KLF8: variants seen among roughly 807,000 people sequenced by gnomAD.
KLF8 encodes Krueppel-like factor 8.
KLF8 carries 10 observed loss-of-function variants against 18.2 expected under a neutral mutation model. The observed-to-expected ratio is 0.55, with a 90% CI of 0.34 to 0.93. The LOEUF (loss-of-function observed/expected upper bound fraction) is 0.93. KLF8 is among the 40% of genes least tolerant of loss of function. KLF8 has a pLI of 0.02. For synonymous variants in KLF8, 109 were observed against 97.3 expected (o/e 1.12, Z -0.71); for missense variants, 264 against 277.9 (o/e 0.95, Z 0.36).
the KLF8 span, among the ~76,000 whole-genome samples, chrX:56,164,903 T>G: frequency 4.5e-5 from 1 of 22,236 alleles, no homozygotes; most frequent in Non-Finnish European, 7.3e-5. Context: ...CCCTCCCCCC[T>G]CCCCCGACCC....
At chrX:55,925,560 G>A in the KLF8 span, among the ~76,000 whole-genome samples, 11 of 111,560 alleles carry the variant, frequency 9.9e-5, no homozygotes, top group African/African-American at 3.3e-4. Flanking sequence ...ACATATTTAT[G>A]ATCCAATTCG....
the KLF8 span, among the ~76,000 whole-genome samples, chrX:56,189,064 AC>A: frequency 8.9e-6 from 1 of 111,805 alleles, no homozygotes; most frequent in Admixed American, 9.5e-5. Flanking sequence ...AAAAGAAACT[AC>A]CATCAGAGTG....
At chrX:55,994,973 C>T in the KLF8 span, among the ~76,000 whole-genome samples, 4 of 111,714 alleles carry the variant, frequency 3.6e-5, no homozygotes, top group African/African-American at 1.3e-4. Flanking sequence ...TCTTTGTTAG[C>T]TTTCTAGCTC....
At chrX:56,059,748 T>G in the KLF8 span, among the ~76,000 whole-genome samples, 1 of 111,858 alleles carries the variant, frequency 8.9e-6, no homozygotes, top group African/African-American at 3.2e-5. Context: ...GCTGTTTTGT[T>G]TACTGTAGCC....
the KLF8 span, among the ~76,000 whole-genome samples, chrX:56,093,422 G>A: frequency 9.0e-6 from 1 of 110,911 alleles, no homozygotes; most frequent in Non-Finnish European, 1.9e-5. Context: ...AAGTGTTGAA[G>A]GAAGTTAAAA....
chrX:56,156,730 C>T, the KLF8 span, among the ~76,000 whole-genome samples: 1 of 101,113 alleles, frequency 9.9e-6, no homozygotes, highest in Non-Finnish European at 2.0e-5. Context: ...CCCCTACCCA[C>T]CCCCCACAAC....
At chrX:56,165,926 G>A in the KLF8 span, among the ~76,000 whole-genome samples, 1 of 109,447 alleles carries the variant, frequency 9.1e-6, no homozygotes, top group African/African-American at 3.3e-5. Context: ...TAACTTTTAA[G>A]AAGACTTCTG....
the KLF8 span, among the ~76,000 whole-genome samples, chrX:56,020,950 A>G: frequency 8.9e-6 from 1 of 111,838 alleles, no homozygotes; most frequent in Admixed American, 9.5e-5. Flanking sequence ...CTTTGCCTCA[A>G]ATGCTTCCTT....
chrX:56,221,933 C>T, the KLF8 span, among the ~76,000 whole-genome samples: 2 of 111,591 alleles, frequency 1.8e-5, no homozygotes, highest in African/African-American at 6.5e-5. Context: ...TACAGAGATC[C>T]GATTGGTCTG....
At chrX:56,168,465 G>A in the KLF8 span, among the ~76,000 whole-genome samples, 2 of 112,136 alleles carry the variant, frequency 1.8e-5, no homozygotes, top group South Asian at 7.4e-4. Context: ...TTGTTAAAAT[G>A]TTTATGACCT....
the KLF8 span, among the ~76,000 whole-genome samples, chrX:56,064,450 C>G: frequency 9.1e-6 from 1 of 110,079 alleles, no homozygotes; most frequent in Non-Finnish European, 1.9e-5. Flanking sequence ...ATAATTGGGT[C>G]ATTTAAAAAT....
At chrX:56,225,635 A>C in the KLF8 span, among the ~76,000 whole-genome samples, 6 of 112,281 alleles carry the variant, frequency 5.3e-5, no homozygotes, top group African/African-American at 1.9e-4. Flanking sequence ...TACAGTGCTT[A>C]GTCTGTGGCA....
chrX:56,105,542 T>A, the KLF8 span, among the ~76,000 whole-genome samples: 1 of 110,304 alleles, frequency 9.1e-6, no homozygotes, highest in African/African-American at 3.3e-5. Context: ...TGCTTTTTTT[T>A]TTTTCTTTCC....
At chrX:56,027,407 T>C in the KLF8 span, among the ~76,000 whole-genome samples, 1 of 112,154 alleles carries the variant, frequency 8.9e-6, no homozygotes, top group Non-Finnish European at 1.9e-5. Flanking sequence ...GTAGAATTTC[T>C]TGTTGATATT....
chrX:56,164,703 T>A, the KLF8 span, among the ~76,000 whole-genome samples: 2 of 93,523 alleles, frequency 2.1e-5, no homozygotes, highest in Non-Finnish European at 4.2e-5. Flanking sequence ...AGTATATTTC[T>A]TTTTTTTTTT....
the KLF8 span, among the ~76,000 whole-genome samples, chrX:56,011,440 C>T: frequency 8.9e-6 from 1 of 111,857 alleles, no homozygotes; most frequent in Admixed American, 9.5e-5. Flanking sequence ...AAAGAATGTA[C>T]TAGAATCTCT....
At chrX:55,954,651 T>C in the KLF8 span, among the ~76,000 whole-genome samples, 1 of 112,183 alleles carries the variant, frequency 8.9e-6, no homozygotes, top group Admixed American at 9.4e-5. Context: ...ACGAAACTGA[T>C]TTATCATGTG....
the KLF8 span, among the ~76,000 whole-genome samples, chrX:56,006,744 C>T: frequency 8.9e-6 from 1 of 112,403 alleles, no homozygotes; most frequent in East Asian, 2.8e-4. Context: ...ATATTAGTCA[C>T]TTGTTGGATT....
rs2067042290 is a variant in KLF8, at chrX:56,270,473, A to T, written c.898+152A>T. Reference sequence around the variant, plus strand: ...CTGAGAGACAGAGAATGAAGTCCTGAAACAAAGACTGATGCATTTATACTC... The same window carrying T: ...CTGAGAGACAGAGAATGAAGTCCTGTAACAAAGACTGATGCATTTATACTC... On this transcript the variant is annotated intron_variant, in intron 5 of 5. Transcript: ENST00000468660. 7.4e-6 allele frequency: 5 copies of T among 674,708 alleles called. No homozygotes were observed. The South Asian group carries it at 1.9e-4, about 26-fold the overall frequency. 55.6% of individuals were successfully genotyped at this position (674,708 alleles called of 1,213,427 possible).
Sources: gnomAD v4.1 joint callset for allele counts (sites outside exome capture counted in the v4.1 genomes callset) on GRCh38, gnomAD v4.1.1 for gene constraint, MANE v1.5 for transcripts, NCBI Gene and HGNC (gene_info 2026-07-23, HGNC 2026-07-21) for gene names.